Variants in HEATR4 observed in about 807,000 individuals in gnomAD.
HEATR4 encodes the protein HEAT repeat containing 4.
HEATR4 carries 95 observed loss-of-function variants against 108.8 expected under a neutral mutation model. That is an observed-to-expected ratio of 0.87 (90% CI 0.74 to 1.04). The LOEUF is 1.04. Among genes scored for constraint, HEATR4 ranks in the 50% least tolerant of loss-of-function variants. HEATR4 has a pLI of 0.00. For missense variants in HEATR4, 1,152 were observed against 1,253.8 expected, an observed-to-expected ratio of 0.92 and a Z score of 1.23; for synonymous variants, 443 against 459.4, an observed-to-expected ratio of 0.96 and a Z score of 0.46.
chr14:73,614,596 A>C, the HEATR4 span, among the ~76,000 whole-genome samples: 2 of 151,786 alleles, frequency 1.3e-5, no homozygotes, highest in Non-Finnish European at 2.9e-5. Context: ...AATACAAAAA[A>C]ATTAGCCAGG....
At chr14:73,572,566 C>T in the HEATR4 span, among the ~76,000 whole-genome samples, 1 of 147,800 alleles carries the variant, frequency 6.8e-6, no homozygotes, top group African/African-American at 2.5e-5. Context: ...GCACAGGGGT[C>T]TGTGGGACGT....
chr14:73,492,979 T>C lies in HEATR4; in HGVS notation c.2844+87A>G. 1 of 1,600,072 alleles carries C rather than the reference T, an allele frequency of 6.2e-7. No homozygotes were observed. Among genetic ancestry groups the C allele is most frequent in the Non-Finnish European group, 8.5e-7 (1 of 1,175,650 alleles). On this transcript the variant is annotated intron_variant, in intron 17 of 17. Coordinates refer to ENST00000553558, the MANE Select transcript of HEATR4 (RefSeq NM_001220484.1). This position sits in a 1 kb window ranked among gnomAD's most constrained non-coding sequence, Gnocchi z 4.9. Reference sequence around the variant, plus strand: ...ATTGCTGGAAACAAGGCAGTAGTGATTCTCCGCTGCCACTGCTACCTTTTT... The same window carrying C: ...ATTGCTGGAAACAAGGCAGTAGTGACTCTCCGCTGCCACTGCTACCTTTTT...
At chr14:73,590,043 A>T in the HEATR4 span, among the ~76,000 whole-genome samples, 1 of 152,160 alleles carries the variant, frequency 6.6e-6, no homozygotes, top group African/African-American at 2.4e-5. Flanking sequence ...AAACTGAGCT[A>T]CCTTTATTAC....
At chr14:73,573,503 T>C in the HEATR4 span, 7 of 1,613,736 alleles carry the variant, frequency 4.3e-6, no homozygotes, top group Non-Finnish European at 5.1e-6. Context: ...TGGCTTATTA[T>C]AACTATGAAG....
the HEATR4 span, among the ~76,000 whole-genome samples, chr14:73,605,706 G>A: frequency 2.6e-5 from 4 of 151,714 alleles, no homozygotes; most frequent in African/African-American, 9.7e-5. Context: ...AAGTAGCTGG[G>A]ATTACAGGTG....
At chr14:73,511,331 G>A (rs1887235568) in intron 7 of HEATR4, among the ~76,000 whole-genome samples, 1 of 150,772 alleles carries the variant, frequency 6.6e-6, no homozygotes, top group African/African-American at 2.4e-5. Context: ...TGGCCAACAT[G>A]GTGAAACCCC....
At chr14:73,613,663 G>A in the HEATR4 span, among the ~76,000 whole-genome samples, 3 of 152,178 alleles carry the variant, frequency 2.0e-5, no homozygotes, top group Non-Finnish European at 4.4e-5. Context: ...ATATCTGAAG[G>A]GAGAGGTGCT....
chr14:73,595,720 A>C, the HEATR4 span: 1 of 1,472,688 alleles, frequency 6.8e-7, no homozygotes, highest in Admixed American at 2.3e-5. Context: ...ACCCTATGTG[A>C]ATCAGATGTC....
intron 17 of HEATR4, chr14:73,491,548 G>A: frequency 1.3e-6 from 2 of 1,534,666 alleles, no homozygotes; most frequent in Non-Finnish European, 1.7e-6. Context: ...ACACGGGTGG[G>A]GAGCCGGCCT....
chr14:73,566,502 C>T, the HEATR4 span, among the ~76,000 whole-genome samples: 1 of 152,156 alleles, frequency 6.6e-6, no homozygotes, highest in African/African-American at 2.4e-5. Flanking sequence ...TAAGGCCCAG[C>T]GAGAAATTGA....
chr14:73,588,371 G>T, the HEATR4 span, among the ~76,000 whole-genome samples: 1 of 152,088 alleles, frequency 6.6e-6, no homozygotes, highest in Non-Finnish European at 1.5e-5. Context: ...GTCATGTGAA[G>T]TTCCTCCGTT....
rs1393992063 is a variant in HEATR4, at chr14:73,544,524, T to G, written c.-152+14227A>C. Among the ~76,000 whole-genome samples the G allele has an allele frequency of 1.7e-5, 2 of 115,906 alleles. 1 individual carries two copies. The highest frequency in any genetic ancestry group is 3.8e-5 in the Non-Finnish European group (2 of 53,140). 76.0% of individuals were successfully genotyped at this position (115,906 alleles called of 152,430 possible). A position where few individuals can be genotyped will look rare whatever the true frequency, so the allele number is the denominator to read the frequency against. The stretch of plus-strand genomic sequence containing the variant: ...TTAATAAGGATTCTCCTAGTGCAAA[T>G]AAATTTTATGTTCCTGTTTATACAT... On this transcript the variant is annotated intron_variant, in intron 1 of 17. Coordinates refer to ENST00000553558, the MANE Select transcript of HEATR4 (RefSeq NM_001220484.1).
At chr14:73,481,685 CA>C (rs1004550261) in intron 17 of HEATR4, among the ~76,000 whole-genome samples, 13 of 145,846 alleles carry the variant, frequency 8.9e-5, no homozygotes, top group Admixed American at 1.4e-4. Flanking sequence ...ACTAAAAATA[CA>C]AAAAAAAAAT....
At chr14:73,505,871 C>T (rs1363612560) in intron 10 of HEATR4, among the ~76,000 whole-genome samples, 1 of 145,494 alleles carries the variant, frequency 6.9e-6, no homozygotes, top group Non-Finnish European at 1.5e-5. Context: ...GAGGCAATAT[C>T]AAATTACTAT....
At position 73,514,896 on chromosome 14, in the gene HEATR4, C is replaced by T. The variant is rs549718811; in HGVS notation, c.1211-662G>A. ...ATCCTGGCTAACACGGTGAAAACCC[C>T]GTCTCTACTAAAATACAAAAAATTG... On this transcript the variant is annotated intron_variant, in intron 5 of 17. Coordinates refer to ENST00000553558, the MANE Select transcript of HEATR4 (RefSeq NM_001220484.1). Among the ~76,000 whole-genome samples the T allele has an allele frequency of 1.8e-4, 27 of 151,876 alleles. 1 individual carries two copies. In the South Asian group the frequency reaches 4.8e-3, roughly 27 times the overall value.
the HEATR4 span, among the ~76,000 whole-genome samples, chr14:73,609,699 G>A: frequency 2.8e-3 from 419 of 152,212 alleles, 2 homozygotes; most frequent in African/African-American, 9.7e-3. Context: ...GGAATGCAGT[G>A]GTGCGATCTC....
the HEATR4 span, among the ~76,000 whole-genome samples, chr14:73,623,769 G>A: frequency 6.6e-6 from 1 of 152,096 alleles, no homozygotes; most frequent in Non-Finnish European, 1.5e-5. Flanking sequence ...GGAATGTCTT[G>A]GTGCAGTCCT....
chr14:73,522,859 A>G lies in HEATR4; in HGVS notation c.294T>C (p.Asn98=). 1 of 1,614,086 alleles carries G rather than the reference A, an allele frequency of 6.2e-7. No homozygotes were observed. The highest frequency in any genetic ancestry group is 8.5e-7 in the Non-Finnish European group (1 of 1,180,022). ...GGGGAGTATGGATGATGTCATTGGT[A>G]TTGTAGAGGTGGTCAAAGCTGTACT... ...YSQYSFDHLY[N]TNDIIHTPQI... Residue 98 remains asparagine, a synonymous_variant, in exon 3 of 18, where the codon AAT becomes AAC. Transcript: ENST00000553558.
In HEATR4 at chr14:73,508,308, G is replaced by A. The variant is rs1235737592; in HGVS notation, c.1721-14C>T. On this transcript the variant is annotated splice_polypyrimidine_tract_variant and intron_variant, in intron 8 of 17. Coordinates refer to ENST00000553558, the MANE Select transcript of HEATR4 (RefSeq NM_001220484.1). ...CCACACTGTTACCTGCCACAGTTGG[G>A]TGAAAAAGAGTTCAGAATGGTGATG... is the stretch of plus-strand genomic sequence containing the variant. 6.2e-7 allele frequency: 1 copy of A among 1,612,140 alleles called. No individual in the cohort carries two copies. The highest frequency in any genetic ancestry group is 2.2e-5 in the East Asian group (1 of 44,886).
Sources: gnomAD v4.1 joint callset for allele counts (sites outside exome capture counted in the v4.1 genomes callset) on GRCh38, gnomAD v4.1.1 for gene constraint, Gnocchi (gnomAD v3.1) non-coding constraint, MANE v1.5 for transcripts, NCBI Gene and HGNC (gene_info 2026-07-23, HGNC 2026-07-21) for gene names.